Variants in MAGI2 observed in about 807,000 individuals in gnomAD.
MAGI2 encodes the protein membrane-associated guanylate kinase, WW and PDZ domain-containing protein 2.
A neutral mutation model predicts 133.3 loss-of-function variants in MAGI2; 35 were observed. The observed-to-expected ratio is 0.26, with a 90% CI of 0.20 to 0.35. The LOEUF (loss-of-function observed/expected upper bound fraction) is 0.35. Ranked by LOEUF, MAGI2 falls within the 10% of genes least tolerant of loss-of-function variation. The probability of loss-of-function intolerance (pLI) is 1.00; values close to 1 mark genes in which losing one functional copy is unlikely to be tolerated. For missense variants in MAGI2, 1,636 were observed against 1,863.4 expected, an observed-to-expected ratio of 0.88 and a Z score of 2.25; for synonymous variants, 729 against 710.6, an observed-to-expected ratio of 1.03 and a Z score of -0.41.
chr7:78,367,139 C>A (rs1339418259), intron 7 of MAGI2, among the ~76,000 whole-genome samples: 3 of 66,940 alleles, frequency 4.5e-5, no homozygotes, highest in African/African-American at 1.6e-4. Flanking sequence ...ATTTGAAGTA[C>A]AAAGATAAGA....
At chr7:79,373,351 G>A (rs1843175904) in intron 1 of MAGI2, among the ~76,000 whole-genome samples, 1 of 151,892 alleles carries the variant, frequency 6.6e-6, no homozygotes, top group Non-Finnish European at 1.5e-5. Context: ...TGGATAAGGT[G>A]AAAGAAGAAA....
At chr7:78,959,354 T>A (rs1453726019) in intron 2 of MAGI2, among the ~76,000 whole-genome samples, 1 of 151,986 alleles carries the variant, frequency 6.6e-6, no homozygotes, top group Non-Finnish European at 1.5e-5. Flanking sequence ...ACCTATACCA[T>A]TATTTTTCTT....
chr7:78,243,388 C>A (rs1389339631), intron 10 of MAGI2, among the ~76,000 whole-genome samples: 1 of 152,014 alleles, frequency 6.6e-6, no homozygotes, highest in African/African-American at 2.4e-5. Context: ...TTCAAAGCAA[C>A]TTGTGAATAT....
At chr7:79,190,116 A>C (rs919447951) in intron 1 of MAGI2, among the ~76,000 whole-genome samples, 18 of 151,890 alleles carry the variant, frequency 1.2e-4, no homozygotes, top group Admixed American at 9.9e-4. Context: ...TGTGGACATA[A>C]ATTTTCAACT....
rs34732039 is a variant in MAGI2 at position 79,436,224 on chromosome 7, CA to C, written c.301+16795del. ...TGGGTGACAGAGCAAGACTTCACCT[CA>C]AAAAAAAAAAAAAAAAAGTCCTTGA... On this transcript the variant is annotated intron_variant, in intron 1 of 21. Transcript: ENST00000354212. Among the ~76,000 whole-genome samples the C allele has an allele frequency of 4.4e-3, 405 of 92,480 alleles. 1 individual carries two copies. The highest frequency in any genetic ancestry group is 9.2e-3 in the South Asian group (24 of 2,622). The allele number at this position is 92,480 out of a possible 152,430, so 60.7% of individuals were successfully genotyped here. A position where few individuals can be genotyped will look rare whatever the true frequency, so the allele number is the denominator to read the frequency against.
chr7:79,262,944 T>C (rs1322050132), intron 1 of MAGI2, among the ~76,000 whole-genome samples: 2 of 152,184 alleles, frequency 1.3e-5, no homozygotes, highest in African/African-American at 2.4e-5. Flanking sequence ...TACCAAGTCA[T>C]AAATTTCTGT....
At chr7:78,587,758 C>A (rs1803576643) in intron 3 of MAGI2, among the ~76,000 whole-genome samples, 1 of 152,196 alleles carries the variant, frequency 6.6e-6, no homozygotes, top group African/African-American at 2.4e-5. Flanking sequence ...AAACCTTTCT[C>A]CAACCTTAAA....
At chr7:78,351,077 C>T (rs982045191) in intron 7 of MAGI2, among the ~76,000 whole-genome samples, 8 of 152,112 alleles carry the variant, frequency 5.3e-5, no homozygotes, top group Non-Finnish European at 1.5e-5. Context: ...TCCAAGGTAT[C>T]CAAGGTGTCT....
chr7:79,059,279 A>G (rs1159542209), intron 1 of MAGI2, among the ~76,000 whole-genome samples: 1 of 152,092 alleles, frequency 6.6e-6, no homozygotes, highest in Non-Finnish European at 1.5e-5. Flanking sequence ...CTACAATCCC[A>G]TGGGTAACGG....
At chr7:79,246,871 G>A (rs777161727) in intron 1 of MAGI2, among the ~76,000 whole-genome samples, 1 of 152,026 alleles carries the variant, frequency 6.6e-6, no homozygotes, top group Non-Finnish European at 1.5e-5. Flanking sequence ...AACTCCCAAA[G>A]CTCAAGGATA....
At chr7:78,512,136 T>TAA (rs539565869) in intron 4 of MAGI2, among the ~76,000 whole-genome samples, 11,704 of 127,056 alleles carry the variant, frequency 0.092, 559 homozygotes, top group Non-Finnish European at 0.13. Context: ...AAAAATAAAT[T>TAA]AAAAAAAAAA....
At chr7:78,708,379 T>TA (rs1818857266) in intron 2 of MAGI2, among the ~76,000 whole-genome samples, 1 of 152,170 alleles carries the variant, frequency 6.6e-6, no homozygotes, top group Non-Finnish European at 1.5e-5. Flanking sequence ...AAATTCTCTC[T>TA]AATTCTGAAG....
intron 2 of MAGI2, among the ~76,000 whole-genome samples, chr7:78,916,179 C>T (rs746532131): frequency 3.3e-5 from 5 of 151,792 alleles, no homozygotes; most frequent in Non-Finnish European, 7.4e-5. Context: ...AGTCTTAGTT[C>T]CTCATCTGTA....
intron 18 of MAGI2, among the ~76,000 whole-genome samples, chr7:78,132,114 A>G (rs1383431153): frequency 6.6e-6 from 1 of 152,156 alleles, no homozygotes; most frequent in Admixed American, 6.5e-5. Context: ...GGCTCAAGCA[A>G]TCCTCACACC....
chr7:78,985,201 T>C (rs553698461), intron 2 of MAGI2, among the ~76,000 whole-genome samples: 2 of 152,088 alleles, frequency 1.3e-5, no homozygotes, highest in African/African-American at 4.8e-5. Context: ...TCAATACTTT[T>C]GTAAATGAGT....
intron 1 of MAGI2, among the ~76,000 whole-genome samples, chr7:79,062,958 T>G (rs1407750591): frequency 6.6e-6 from 1 of 152,146 alleles, no homozygotes; most frequent in Admixed American, 6.6e-5. Context: ...ACTATTTTTT[T>G]GCTTGTTTTA....
intron 1 of MAGI2, among the ~76,000 whole-genome samples, chr7:79,143,897 A>G (rs1320635199): frequency 6.6e-6 from 1 of 152,218 alleles, no homozygotes; most frequent in African/African-American, 2.4e-5. Context: ...TGTAATAAAT[A>G]CCATTTTAGT....
At chr7:78,912,787 A>G (rs577222659) in intron 2 of MAGI2, among the ~76,000 whole-genome samples, 1 of 147,126 alleles carries the variant, frequency 6.8e-6, no homozygotes, top group African/African-American at 2.5e-5. Flanking sequence ...TCATTCATAT[A>G]TATATATCAT....
At chr7:78,253,803 C>T (rs551070510) in intron 10 of MAGI2, 16 of 152,180 alleles carry the variant, frequency 1.1e-4, no homozygotes, top group South Asian at 2.1e-4. Flanking sequence ...TAAAAACAGC[C>T]GACCACCCAT....
Sources: gnomAD v4.1 joint callset for allele counts (sites outside exome capture counted in the v4.1 genomes callset) on GRCh38, gnomAD v4.1.1 for gene constraint, MANE v1.5 for transcripts, NCBI Gene and HGNC (gene_info 2026-07-23, HGNC 2026-07-21) for gene names.